PIWIL2: variants seen among roughly 807,000 people sequenced by gnomAD.
PIWIL2 encodes piwi like RNA-mediated gene silencing 2, also known as piwi-like protein 2.
A neutral mutation model predicts 116.5 loss-of-function variants in PIWIL2; 81 were observed. The ratio of observed to expected loss-of-function variants is 0.70; its 90% CI spans 0.58 to 0.84. The LOEUF is 0.84. Ranked by LOEUF, PIWIL2 falls within the 40% of genes least tolerant of loss-of-function variation. The probability of loss-of-function intolerance (pLI) is 0.00; values close to 1 mark genes in which losing one functional copy is unlikely to be tolerated. For synonymous variants in PIWIL2, 489 were observed against 429.5 expected, an observed-to-expected ratio of 1.14 and a Z score of -1.71; for missense variants, 1,272 against 1,212.3, an observed-to-expected ratio of 1.05 and a Z score of -0.73.
intron 10 of PIWIL2, 66 bp downstream of exon 10, chr8:22,290,412 G>A (rs761582209): frequency 6.3e-5 from 53 of 840,708 alleles, no homozygotes; most frequent in Non-Finnish European, 9.4e-5. Context: ...GTAACAGCTG[G>A]TAATAACACA....
intron 1 of PIWIL2, 25 bp from the exon 2 acceptor site, chr8:22,279,316 C>T (rs1036839092): frequency 7.4e-6 from 9 of 1,216,922 alleles, no homozygotes; most frequent in Admixed American, 5.1e-5. Flanking sequence ...AATTGGGAAT[C>T]TTAATCTTTT....
At chr8:22,319,050 G>T (rs1447316119) in intron 20 of PIWIL2, among the ~76,000 whole-genome samples, 1 of 152,324 alleles carries the variant, frequency 6.6e-6, no homozygotes, top group Non-Finnish European at 1.5e-5. Context: ...GCTGATACTG[G>T]ATCTAGAACA....
At chr8:22,351,079 T>A (rs11784154) in intron 20 of PIWIL2, among the ~76,000 whole-genome samples, 77,049 of 151,620 alleles carry the variant, frequency 0.51, 21,118 homozygotes, top group East Asian at 0.82. Flanking sequence ...TGAGCCTGGG[T>A]GGCAGAGATT....
At chr8:22,352,819 C>G (rs572700075) in intron 20 of PIWIL2, 140 bp from the exon 21 acceptor site, 2 of 806,126 alleles carry the variant, frequency 2.5e-6, no homozygotes, top group East Asian at 2.6e-5. Context: ...TTTCCCTGCC[C>G]TCTAGGCACA....
intron 20 of PIWIL2, among the ~76,000 whole-genome samples, chr8:22,335,920 T>C (rs1260413780): frequency 6.6e-6 from 1 of 152,036 alleles, no homozygotes; most frequent in Non-Finnish European, 1.5e-5. Context: ...CATATTACAA[T>C]AGCAAAAGAG....
rs951344990 is a variant in PIWIL2, at chr8:22,316,273, T to C, written c.2237T>C (p.Val746Ala). 3 of 1,613,336 alleles carry C rather than the reference T, an allele frequency of 1.9e-6. No homozygotes were observed. Among genetic ancestry groups the C allele is most frequent in the African/African-American group, 1.3e-5 (1 of 74,872 alleles). The stretch of plus-strand genomic sequence containing the variant: ...CAGTTAATGGTGATCGGGATGGATG[T>C]TTACCATGACCCCAGTAGAGGCATG... ...LKQLMVIGMD[V>A]YHDPSRGMRS... is the part of the protein sequence containing the mutation. The change falls in exon 19 of 23, where the codon GTT becomes GCT. Residue 746 changes from valine (V) to alanine (A), a missense_variant. Coordinates refer to ENST00000356766, the MANE Select transcript of PIWIL2 (RefSeq NM_018068.5).
intron 10 of PIWIL2, among the ~76,000 whole-genome samples, chr8:22,294,210 C>T (rs28535383): frequency 0.04 from 6,112 of 151,486 alleles, 394 homozygotes; most frequent in African/African-American, 0.14. Context: ...TGGTGGCACA[C>T]GCCTGTAATT....
intron 1 of PIWIL2, among the ~76,000 whole-genome samples, chr8:22,276,357 G>T (rs1027447204): frequency 6.6e-6 from 1 of 152,158 alleles, no homozygotes. Flanking sequence ...GCTCCGTAGC[G>T]CAGGCTGGAG....
At chr8:22,315,254 T>C in intron 18 of PIWIL2, 109 bp downstream of exon 18, 1 of 671,650 alleles carries the variant, frequency 1.5e-6, no homozygotes. Flanking sequence ...TACTCAGTAG[T>C]CTAAATGGCT....
Position 22,304,823 on chromosome 8 carries a change from A to T in PIWIL2, c.1410A>T (p.Pro470=). Residue 470 remains proline (P), a synonymous_variant, in exon 12 of 23, where the codon CCA becomes CCT. Coordinates refer to ENST00000356766, the MANE Select transcript of PIWIL2 (RefSeq NM_018068.5). ...YGITVKEEDQ[P]LLIHRPSERQ... is the part of the protein sequence containing the mutation. Reference sequence around the variant, plus strand: ...TCACAGTTAAGGAAGAGGACCAGCCATTGCTGATTCACAGGCCCAGTGAGA... The same window carrying T: ...TCACAGTTAAGGAAGAGGACCAGCCTTTGCTGATTCACAGGCCCAGTGAGA... 6.2e-7 allele frequency: 1 copy of T among 1,613,666 alleles called. No individual in the cohort carries two copies. Among genetic ancestry groups the T allele is most frequent in the Admixed American group, 1.7e-5 (1 of 60,018 alleles).
intron 10 of PIWIL2, among the ~76,000 whole-genome samples, chr8:22,297,172 T>C (rs1029339515): frequency 6.6e-6 from 1 of 152,102 alleles, no homozygotes; most frequent in African/African-American, 2.4e-5. Context: ...AATTTTTTCA[T>C]AAAGGCAGGG....
At chr8:22,295,701 C>T (rs571038287) in intron 10 of PIWIL2, among the ~76,000 whole-genome samples, 2 of 152,104 alleles carry the variant, frequency 1.3e-5, no homozygotes, top group Admixed American at 1.3e-4. Context: ...GTTCCCTGTT[C>T]TTATGGATCA....
intron 20 of PIWIL2, among the ~76,000 whole-genome samples, chr8:22,324,033 G>A (rs554307183): frequency 2.0e-5 from 3 of 152,252 alleles, no homozygotes; most frequent in South Asian, 4.1e-4. Context: ...AGTCTGAGGT[G>A]GGTGGATGGC....
At chr8:22,354,483 TC>T (rs773503015) in intron 22 of PIWIL2, 105 bp downstream of exon 22, 7 of 613,392 alleles carry the variant, frequency 1.1e-5, no homozygotes, top group Non-Finnish European at 2.0e-5. Flanking sequence ...TCTTGACTTT[TC>T]TTCATATCTT....
intron 11 of PIWIL2, 135 bp from the exon 12 acceptor site, chr8:22,304,649 C>T (rs1159296096): frequency 7.4e-6 from 4 of 544,186 alleles, no homozygotes; most frequent in African/African-American, 1.9e-5. Flanking sequence ...ATATTATGAT[C>T]GGTTTGCAGT....
chr8:22,311,383 G>A, intron 16 of PIWIL2, 83 bp downstream of exon 16: 1 of 1,118,196 alleles, frequency 8.9e-7, no homozygotes, highest in Admixed American at 2.1e-5. Context: ...ATGGTTATCA[G>A]TCTGCTGTTG....
intron 20 of PIWIL2, among the ~76,000 whole-genome samples, chr8:22,346,764 A>T (rs533707643): frequency 2.6e-5 from 4 of 152,298 alleles, no homozygotes; most frequent in African/African-American, 9.6e-5. Context: ...AAATAACAAT[A>T]AGCCAGGCAT....
Position 22,355,667 on chromosome 8 carries a change from T to C in PIWIL2, c.*162T>C. The stretch of plus-strand genomic sequence containing the variant: ...TCTTTCTTGTCTTTTAAACCTAATA[T>C]CACCAAGAAGCAAGTTTCTGAGTAA... On this transcript the variant is annotated 3_prime_UTR_variant, in exon 23 of 23. Coordinates refer to ENST00000356766, the MANE Select transcript of PIWIL2 (RefSeq NM_018068.5). 1.5e-6 allele frequency: 1 copy of C among 675,140 alleles called. No individual in the cohort carries two copies. The highest frequency in any genetic ancestry group is 2.9e-5 in the Admixed American group (1 of 34,576). The allele number at this position is 675,140 out of a possible 1,614,324, so 41.8% of individuals were successfully genotyped here. A position where few individuals can be genotyped will look rare whatever the true frequency, so the allele number is the denominator to read the frequency against.
chr8:22,282,083 T>TTC (rs1223749840), intron 4 of PIWIL2, among the ~76,000 whole-genome samples: 2 of 144,052 alleles, frequency 1.4e-5, no homozygotes, highest in East Asian at 4.0e-4. Context: ...ACTTTTTTTT[T>TTC]TTTTTTTTTT....
Sources: allele counts gnomAD v4.1 joint callset (sites outside exome capture counted in the v4.1 genomes callset), GRCh38; gene constraint gnomAD v4.1.1; transcripts MANE v1.5; gene names NCBI Gene and HGNC (gene_info 2026-07-23, HGNC 2026-07-21).